Variants in MAFG observed in about 807,000 individuals in gnomAD.
The protein encoded by MAFG is transcription factor MafG.
A neutral mutation model predicts 12.2 loss-of-function variants in MAFG; 3 were observed. That is an observed-to-expected ratio of 0.25 (90% CI 0.11 to 0.64). The LOEUF is 0.64. MAFG is among the 30% of genes least tolerant of loss of function. The pLI is 0.85. For synonymous variants in MAFG, 126 were observed against 109.1 expected (o/e 1.15, Z -0.96); for missense variants, 153 against 235.5 (o/e 0.65, Z 2.29).
At chr17:81,928,753 C>A (rs533125316), upstream of MAFG, among the ~76,000 whole-genome samples, 72 of 152,324 alleles carry the variant, frequency 4.7e-4, no homozygotes, top group Non-Finnish European at 1.2e-4. The surrounding 1 kb of genome is among the most constrained non-coding windows in gnomAD (Gnocchi z 8.1). Flanking sequence ...CTTCCGAGGC[C>A]TCAACCTTAG....
At chr17:81,923,128 G>A in intron 2 of MAFG, 22 bp downstream of exon 2, 2 of 1,611,930 alleles carry the variant, frequency 1.2e-6, no homozygotes, top group South Asian at 1.1e-5. Context: ...CAGCCCACAG[G>A]CTCCTGTCCC....
chr17:81,922,733 C>T lies in MAFG; in HGVS notation c.361G>A (p.Val121Met). 1 of 1,571,848 alleles carries T rather than the reference C, an allele frequency of 6.4e-7. No individual in the cohort carries two copies. The highest frequency in any genetic ancestry group is 1.2e-5 in the South Asian group (1 of 86,708). The change falls in exon 3 of 3, where the codon GTG (valine) becomes ATG (methionine). Residue 121 changes from valine (V) to methionine (M), a missense_variant. Val to Met is a conservative substitution (Grantham distance 21). This residue lies in a region of MAFG where 81 missense variants were observed against 94.7 expected (regional missense o/e 0.86). Transcript: ENST00000357736. Reference protein sequence around the residue: ...YEALQTFARTVARSPVAPARG... With the variant: ...YEALQTFARTMARSPVAPARG... ...GCTGGCGCCACGGGGCTGCGGGCCA[C>T]CGTCCGGGCGAAGGTCTGCAGCGCC...
At position 81,926,928 on chromosome 17, in the gene MAFG, C is replaced by CT. The variant is rs1250086551; in HGVS notation, c.-30+599dup. Among the ~76,000 whole-genome samples, 21 of 152,170 alleles carry CT rather than the reference C, an allele frequency of 1.4e-4. No homozygotes were observed. Among genetic ancestry groups the CT allele is most frequent in the Non-Finnish European group, 2.8e-4 (19 of 68,018 alleles). ...CCCCGAGGCCCCTCGCTCGAATCCC[C>CT]TCCGGTATCAGCTTGAGCACCGAGT... On this transcript the variant is annotated intron_variant, in intron 1 of 2. Coordinates refer to ENST00000357736, the MANE Select transcript of MAFG (RefSeq NM_002359.4). The surrounding 1 kb of genome is among the most constrained non-coding windows in gnomAD (Gnocchi z 4.6).
rs2040926748 is a variant in MAFG at position 81,924,900 on chromosome 17, A to G, written c.-29-1686T>C. On this transcript the variant is annotated intron_variant, in intron 1 of 2. Transcript: ENST00000357736. The surrounding 1 kb of genome is among the most constrained non-coding windows in gnomAD (Gnocchi z 4.7). Reference sequence around the variant, plus strand: ...GCCCCCACCCCTGCTGCTAAGCACAATGACAGTGGTGACTTCCTGAAGAGA... The same window carrying G: ...GCCCCCACCCCTGCTGCTAAGCACAGTGACAGTGGTGACTTCCTGAAGAGA... Among the ~76,000 whole-genome samples, 1 of 152,182 alleles carries G rather than the reference A, an allele frequency of 6.6e-6. No homozygotes were observed. The highest frequency in any genetic ancestry group is 1.5e-5 in the Non-Finnish European group (1 of 68,026).
At position 81,926,991 on chromosome 17, in the gene MAFG, C is replaced by T. The variant is rs1029569472; in HGVS notation, c.-30+537G>A. On this transcript the variant is annotated intron_variant, in intron 1 of 2. Transcript: ENST00000357736. The surrounding 1 kb of genome is among the most constrained non-coding windows in gnomAD (Gnocchi z 4.6). ...ATGACTCAGCAAGTCTCCCTCCGGGCTCTGGCACGCGACTGACGGAACCCG... is the reference window on the plus strand; with the variant it reads ...ATGACTCAGCAAGTCTCCCTCCGGGTTCTGGCACGCGACTGACGGAACCCG... Among the ~76,000 whole-genome samples, 1 of 152,190 alleles carries T rather than the reference C, an allele frequency of 6.6e-6. No homozygotes were observed. Among genetic ancestry groups the T allele is most frequent in the Non-Finnish European group, 1.5e-5 (1 of 68,014 alleles).
Position 81,926,670 on chromosome 17 carries a change from G to A in MAFG, c.-30+858C>T, listed in dbSNP as rs1005794928. Among the ~76,000 whole-genome samples, 2 of 152,142 alleles carry A rather than the reference G, an allele frequency of 1.3e-5. No homozygotes were observed. The highest frequency in any genetic ancestry group is 2.1e-4 in the South Asian group (1 of 4,820). ...GTTTGGAAAACTGCTCCAGACTTGG[G>A]ACCAGGACCAGCTGCCGGAAAAGAG... On this transcript the variant is annotated intron_variant, in intron 1 of 2. Coordinates refer to ENST00000357736, the MANE Select transcript of MAFG (RefSeq NM_002359.4). This position sits in a 1 kb window ranked among gnomAD's most constrained non-coding sequence, Gnocchi z 4.6.
In MAFG at chr17:81,923,166, C is replaced by A. The variant is rs766556856; in HGVS notation, c.20G>T (p.Gly7Val). The change falls in exon 2 of 3, where the codon GGA (glycine) becomes GTA (valine). Residue 7 changes from glycine to valine, a missense_variant. By Grantham distance (109) the Gly-to-Val change is moderately radical. This residue lies in a region of MAFG where 43 missense variants were observed against 65.6 expected (regional missense o/e 0.66). Coordinates refer to ENST00000357736, the MANE Select transcript of MAFG (RefSeq NM_002359.4). MTTPNK[G>V]NKALKVKREP... is the part of the protein sequence containing the mutation. ...CCCACTCACCTTCAAGGCCTTGTTT[C>A]CTTTATTGGGGGTCGTCATAACCCG... The A allele has an allele frequency of 6.2e-7, 1 of 1,608,894 alleles. No individual in the cohort carries two copies. The highest frequency in any genetic ancestry group is 1.1e-5 in the South Asian group (1 of 90,806).
rs1323464029 is a variant in MAFG at position 81,922,438 on chromosome 17, G to A, written c.*167C>T. 7.7e-6 allele frequency: 4 copies of A among 521,872 alleles called. No homozygotes were observed. The South Asian group carries it at 1.8e-4, about 23-fold the overall frequency. 32.3% of individuals were successfully genotyped at this position (521,872 alleles called of 1,614,324 possible). ...ACACGACGACAATGACGAGATCAAA[G>A]GGGCTCAGCCCGGCGCCCCTGGGGT... On this transcript the variant is annotated 3_prime_UTR_variant, in exon 3 of 3. Coordinates refer to ENST00000357736, the MANE Select transcript of MAFG (RefSeq NM_002359.4).
At chr17:81,930,766 C>T (rs901158983), upstream of MAFG, 2 of 152,242 alleles carry the variant, frequency 1.3e-5, no homozygotes, top group Non-Finnish European at 2.9e-5. This position sits in a 1 kb window ranked among gnomAD's most constrained non-coding sequence, Gnocchi z 4.1. Flanking sequence ...CACTCCAAAC[C>T]GCTTCATTTT....
intron 1 of MAFG, among the ~76,000 whole-genome samples, chr17:81,925,605 G>A (rs187283772): frequency 3.3e-5 from 5 of 152,176 alleles, no homozygotes; most frequent in Non-Finnish European, 5.9e-5. Flanking sequence ...TCAGGAGATC[G>A]AGACCATCCT....
intron 1 of MAFG, among the ~76,000 whole-genome samples, chr17:81,925,682 C>T (rs937674587): frequency 2.0e-5 from 3 of 151,874 alleles, no homozygotes; most frequent in African/African-American, 7.3e-5. Flanking sequence ...GTGGTGGGCG[C>T]CTGTAGTCCC....
upstream of MAFG, among the ~76,000 whole-genome samples, chr17:81,931,054 C>T (rs1242871307): frequency 6.6e-6 from 1 of 152,208 alleles, no homozygotes; most frequent in East Asian, 1.9e-4. Context: ...CCTCACCTAC[C>T]TCCCCAGACT....
At position 81,926,127 on chromosome 17, in the gene MAFG, C is replaced by T. The variant is rs916729979; in HGVS notation, c.-30+1401G>A. 2.0e-5 allele frequency among the ~76,000 whole-genome samples: 3 copies of T among 152,202 alleles called. No individual in the cohort carries two copies. Among genetic ancestry groups the T allele is most frequent in the Admixed American group, 2.0e-4 (3 of 15,296 alleles). On this transcript the variant is annotated intron_variant, in intron 1 of 2. Transcript: ENST00000357736. This position sits in a 1 kb window ranked among gnomAD's most constrained non-coding sequence, Gnocchi z 4.6. ...AAAGGAAGTCAACCTTCGTGAATCT[C>T]CACATACCCAAGGAAAGGTGGCTCT...
At chr17:81,923,357 T>G in intron 1 of MAFG, 143 bp from the exon 2 acceptor site, 9 of 514,078 alleles carry the variant, frequency 1.8e-5, no homozygotes, top group East Asian at 1.1e-4. Flanking sequence ...CAATACCTGA[T>G]AGGAGGCAGC....
chr17:81,929,133 C>G (rs1195833352), upstream of MAFG, among the ~76,000 whole-genome samples: 4 of 152,258 alleles, frequency 2.6e-5, no homozygotes, highest in Non-Finnish European at 5.9e-5. This position sits in a 1 kb window ranked among gnomAD's most constrained non-coding sequence, Gnocchi z 5.7. Flanking sequence ...CCCAACTCCT[C>G]CTCACAGGGT....
At chr17:81,930,264 T>G (rs2040974970), upstream of MAFG, 1 of 152,292 alleles carries the variant, frequency 6.6e-6, no homozygotes, top group Non-Finnish European at 1.5e-5. This position sits in a 1 kb window ranked among gnomAD's most constrained non-coding sequence, Gnocchi z 4.1. Flanking sequence ...GAGCCTGTCC[T>G]GCACAAGTAC....
In MAFG at chr17:81,922,030, C is replaced by G. The variant is rs941579103; in HGVS notation, c.*575G>C. 1.3e-5 allele frequency: 2 copies of G among 152,410 alleles called. No individual in the cohort carries two copies. Among genetic ancestry groups the G allele is most frequent in the African/African-American group, 4.8e-5 (2 of 41,448 alleles). 9.4% of individuals were successfully genotyped at this position (152,410 alleles called of 1,614,324 possible). On this transcript the variant is annotated 3_prime_UTR_variant, in exon 3 of 3. Transcript: ENST00000357736. ...CAACGGGTCAGGCCTGAGTGCACAGCCCCTGGGCCCAGCTGCACGCCCCCA... is the reference window on the plus strand; with the variant it reads ...CAACGGGTCAGGCCTGAGTGCACAGGCCCTGGGCCCAGCTGCACGCCCCCA...
chr17:81,923,094 C>T, intron 2 of MAFG, 37 bp from the exon 3 acceptor site: 2 of 1,609,574 alleles, frequency 1.2e-6, no homozygotes, highest in Non-Finnish European at 8.5e-7. Flanking sequence ...GCCAAGCGGG[C>T]ACGCCCACTG....
rs774319110 is a variant in MAFG, at chr17:81,922,601, G to A, written c.*4C>T. ...CAAAGACCCGCCTGGGCAGACGCGC[G>A]TCCCTACGATCGGGCATCCGTCTTG... On this transcript the variant is annotated 3_prime_UTR_variant, in exon 3 of 3. Transcript: ENST00000357736. 2.5e-5 allele frequency: 36 copies of A among 1,461,088 alleles called. No individual in the cohort carries two copies. Among genetic ancestry groups the A allele is most frequent in the African/African-American group, 2.9e-5 (2 of 68,332 alleles). The allele number at this position is 1,461,088 out of a possible 1,614,324, so 90.5% of individuals were successfully genotyped here.
Sources: gnomAD v4.1 joint callset for allele counts (sites outside exome capture counted in the v4.1 genomes callset) on GRCh38, gnomAD v4.1.1 for gene constraint, gnomAD v4.1.1 regional missense constraint, Gnocchi (gnomAD v3.1) non-coding constraint, MANE v1.5 for transcripts, NCBI Gene and HGNC (gene_info 2026-07-23, HGNC 2026-07-21) for gene names.